The following GABRR3 variants were observed in gnomAD, a reference collection of about 807,000 sequenced individuals.
The protein encoded by GABRR3 is gamma-aminobutyric acid type A receptor subunit rho3, also known as gamma-aminobutyric acid receptor subunit rho-3.
In GABRR3, 29 loss-of-function variants were observed where a neutral mutation model predicts 43.2. That is an observed-to-expected ratio of 0.67 (90% confidence interval 0.50 to 0.92). GABRR3 has a LOEUF of 0.92. GABRR3 is among the 40% of genes least tolerant of loss of function. GABRR3 has a pLI of 0.00. For missense variants in GABRR3, 576 were observed against 572.3 expected (o/e 1.01, Z -0.07); for synonymous variants, 206 against 195.9 (o/e 1.05, Z -0.43).
At chr3:98,001,385 G>T (rs1478754023) in intron 8 of GABRR3, 2 of 512,058 alleles carry the variant, frequency 3.9e-6, no homozygotes, top group Non-Finnish European at 7.1e-6. Context: ...TCACCCAACT[G>T]CAGGTCAGTC....
chr3:98,026,002 G>A (rs2107249496), intron 2 of GABRR3, among the ~76,000 whole-genome samples: 1 of 152,294 alleles, frequency 6.6e-6, no homozygotes, highest in South Asian at 2.1e-4. Context: ...TCAAAACTCA[G>A]ATTCATGGAC....
At chr3:97,995,918 C>T (rs547541193) in intron 8 of GABRR3, among the ~76,000 whole-genome samples, 16 of 152,276 alleles carry the variant, frequency 1.1e-4, no homozygotes, top group South Asian at 4.1e-4. Context: ...GATGTTGCTA[C>T]GCATAGTTAG....
At chr3:98,017,339 T>C (rs1413811876) in intron 4 of GABRR3, among the ~76,000 whole-genome samples, 1 of 152,212 alleles carries the variant, frequency 6.6e-6, no homozygotes, top group African/African-American at 2.4e-5. Flanking sequence ...GCACATATAG[T>C]ATGGTCATCC....
chr3:97,996,623 G>A (rs992737208), intron 8 of GABRR3, among the ~76,000 whole-genome samples: 1 of 152,118 alleles, frequency 6.6e-6, no homozygotes, highest in Admixed American at 6.5e-5. Context: ...AAGCAAGAAC[G>A]ATGGAGGCAA....
chr3:98,035,255 T>C, exon 1 of GABRR3: 1 of 407,476 alleles, frequency 2.5e-6, no homozygotes, highest in Middle Eastern at 7.0e-4. Context: ...CATCCTTTGG[T>C]CCCTTTTTCC....
At chr3:98,002,418 G>A (rs1285614868) in intron 7 of GABRR3, among the ~76,000 whole-genome samples, 1 of 152,104 alleles carries the variant, frequency 6.6e-6, no homozygotes. Context: ...AGCACCATTT[G>A]TGGTGACATC....
Position 98,034,828 on chromosome 3 carries a change from C to T in GABRR3, c.125+35G>A, listed in dbSNP as rs375217741. On this transcript the variant is annotated intron_variant, in intron 2 of 9. Transcript: ENST00000621172. ...GAGACAACTGTTGAGAGAAACTGGG[C>T]AGTAATTCCATGGACTGCACTATGA... 2.7e-4 allele frequency: 439 copies of T among 1,608,574 alleles called. 1 individual carries two copies. In the African/African-American group the frequency reaches 5.3e-3, roughly 19 times the overall value.
intron 8 of GABRR3, chr3:97,998,030 T>A (rs1559774724): frequency 6.6e-6 from 1 of 151,792 alleles, no homozygotes; most frequent in Non-Finnish European, 1.5e-5. Flanking sequence ...AAAGATGAAA[T>A]ACATAGCATA....
intron 8 of GABRR3, 87 bp downstream of exon 8, chr3:98,001,528 T>A (rs1706641885): frequency 4.2e-6 from 6 of 1,414,312 alleles, no homozygotes; most frequent in Non-Finnish European, 5.9e-6. Context: ...CACCACTCTC[T>A]TTTCCTCTCC....
At chr3:97,988,829 G>A (rs977559946) in intron 9 of GABRR3, among the ~76,000 whole-genome samples, 3 of 151,646 alleles carry the variant, frequency 2.0e-5, no homozygotes, top group African/African-American at 7.3e-5. Context: ...GTAAGTGGTG[G>A]TGGTGGATGG....
intron 5 of GABRR3, among the ~76,000 whole-genome samples, chr3:98,010,767 A>T (rs962859811): frequency 6.6e-6 from 1 of 151,852 alleles, no homozygotes; most frequent in Non-Finnish European, 1.5e-5. Flanking sequence ...TTGAGACTTG[A>T]CTCCAGTATG....
At chr3:97,997,158 A>T (rs1482021773) in intron 8 of GABRR3, among the ~76,000 whole-genome samples, 1 of 152,194 alleles carries the variant, frequency 6.6e-6, no homozygotes, top group Non-Finnish European at 1.5e-5. Flanking sequence ...AGATACAGAA[A>T]ATGCCACGTG....
intron 6 of GABRR3, 63 bp from the exon 7 acceptor site, chr3:98,007,967 T>C: frequency 1.5e-6 from 2 of 1,358,752 alleles, no homozygotes; most frequent in Non-Finnish European, 2.0e-6. Context: ...ATGAGTTCTA[T>C]AACCATGTCT....
exon 9 of GABRR3, chr3:97,992,893 T>C: frequency 6.2e-7 from 1 of 1,613,128 alleles, no homozygotes; most frequent in South Asian, 1.1e-5. Flanking sequence ...TCCACTGTGG[T>C]GAGGTAGTTC....
At chr3:98,012,202 C>T (rs1439597679) in intron 5 of GABRR3, 142 bp downstream of exon 5, 4 of 648,820 alleles carry the variant, frequency 6.2e-6, no homozygotes, top group East Asian at 5.5e-5. Flanking sequence ...AGGGGAAAAT[C>T]ACATCTTATG....
chr3:98,012,601 G>T (rs1706808758), intron 4 of GABRR3, 34 bp from the exon 5 acceptor site: 1 of 1,469,988 alleles, frequency 6.8e-7, no homozygotes. Context: ...AAAAAAACCA[G>T]TAGGAATATG....
intron 9 of GABRR3, among the ~76,000 whole-genome samples, chr3:97,991,971 A>C (rs1312074284): frequency 6.6e-6 from 1 of 152,134 alleles, no homozygotes; most frequent in Non-Finnish European, 1.5e-5. Context: ...ATGTGTGCGT[A>C]TGTGTGTTTA....
chr3:97,985,909 C>G (rs1284304669), downstream of GABRR3, among the ~76,000 whole-genome samples: 3 of 151,858 alleles, frequency 2.0e-5, no homozygotes, highest in African/African-American at 7.3e-5. Flanking sequence ...CTCTGTCGCC[C>G]AGGCTAGAGT....
chr3:98,001,688 G>A, exon 8 of GABRR3: 2 of 1,613,272 alleles, frequency 1.2e-6, no homozygotes, highest in Middle Eastern at 1.7e-4. Flanking sequence ...CCATCAATAT[G>A]GCTGGGAAAT....
Sources: gnomAD v4.1 joint callset for allele counts (sites outside exome capture counted in the v4.1 genomes callset) on GRCh38, gnomAD v4.1.1 for gene constraint, MANE v1.5 for transcripts, NCBI Gene and HGNC (gene_info 2026-07-23, HGNC 2026-07-21) for gene names.